Variants in GABRB2 observed in about 807,000 individuals in gnomAD.
GABRB2 encodes gamma-aminobutyric acid receptor subunit beta-2.
A neutral mutation model predicts 54.7 loss-of-function variants in GABRB2; 16 were observed. The observed-to-expected ratio is 0.29, with a 90% CI of 0.20 to 0.44. GABRB2 has a LOEUF of 0.44. Among genes scored for constraint, GABRB2 ranks in the 20% least tolerant of loss-of-function variants. The pLI is 1.00. For synonymous variants in GABRB2, 244 were observed against 233.8 expected, an observed-to-expected ratio of 1.04 and a Z score of -0.40; for missense variants, 355 against 644.0, an observed-to-expected ratio of 0.55 and a Z score of 4.86.
At chr5:161,527,546 A>G (rs1245224120) in intron 3 of GABRB2, among the ~76,000 whole-genome samples, 1 of 151,618 alleles carries the variant, frequency 6.6e-6, no homozygotes, top group East Asian at 1.9e-4. Context: ...TCACAAAGTT[A>G]TTATACAAGG....
intron 8 of GABRB2, among the ~76,000 whole-genome samples, chr5:161,326,817 C>T (rs544214107): frequency 6.6e-6 from 1 of 152,064 alleles, no homozygotes; most frequent in Non-Finnish European, 1.5e-5. Context: ...TGTGGTGCAG[C>T]TTTAGTTAGA....
chr5:161,541,365 C>T (rs1760810700), intron 3 of GABRB2, among the ~76,000 whole-genome samples: 1 of 152,186 alleles, frequency 6.6e-6, no homozygotes, highest in Admixed American at 6.5e-5. Context: ...GCATTAACAC[C>T]TAACAAAAGT....
intron 5 of GABRB2, among the ~76,000 whole-genome samples, chr5:161,355,317 T>C (rs1754585145): frequency 6.7e-6 from 1 of 148,258 alleles, no homozygotes; most frequent in Admixed American, 6.8e-5. Flanking sequence ...TAAAAATACA[T>C]TAAATATATT....
intron 3 of GABRB2, among the ~76,000 whole-genome samples, chr5:161,502,039 A>C (rs1240669788): frequency 6.7e-6 from 1 of 149,360 alleles, no homozygotes; most frequent in Non-Finnish European, 1.5e-5. Context: ...ATGGTATATA[A>C]AAATTTTATA....
chr5:161,539,629 G>A (rs1356889928), intron 3 of GABRB2, among the ~76,000 whole-genome samples: 1 of 152,108 alleles, frequency 6.6e-6, no homozygotes, highest in Non-Finnish European at 1.5e-5. Context: ...GCACACTTAA[G>A]ACAGCAGCTG....
intron 4 of GABRB2, among the ~76,000 whole-genome samples, chr5:161,446,389 G>A (rs753705696): frequency 6.6e-6 from 1 of 152,088 alleles, no homozygotes; most frequent in African/African-American, 2.4e-5. Context: ...CTGGAACACT[G>A]TACAGACATT....
intron 4 of GABRB2, among the ~76,000 whole-genome samples, chr5:161,442,314 A>G (rs1757490408): frequency 6.6e-6 from 1 of 152,224 alleles, no homozygotes; most frequent in South Asian, 2.1e-4. Flanking sequence ...GAAAAAAATA[A>G]AGAAACATGT....
intron 5 of GABRB2, among the ~76,000 whole-genome samples, chr5:161,384,363 T>C (rs1471190152): frequency 1.3e-5 from 2 of 152,162 alleles, no homozygotes; most frequent in African/African-American, 4.8e-5. Context: ...TCATCTGTTA[T>C]ATGGTGGTGT....
intron 5 of GABRB2, among the ~76,000 whole-genome samples, chr5:161,354,520 C>T (rs370035276): frequency 6.6e-6 from 1 of 151,964 alleles, no homozygotes; most frequent in African/African-American, 2.4e-5. Context: ...TCGAATTCTC[C>T]TTGTCTCCCT....
intron 4 of GABRB2, chr5:161,459,287 T>G (rs1316333049): frequency 9.9e-6 from 3 of 303,550 alleles, no homozygotes; most frequent in Non-Finnish European, 1.3e-5. Context: ...TCTCCCATAT[T>G]CAAACAATTA....
At chr5:161,405,890 T>C (rs1349072049) in intron 5 of GABRB2, among the ~76,000 whole-genome samples, 2 of 152,008 alleles carry the variant, frequency 1.3e-5, no homozygotes, top group African/African-American at 4.8e-5. Context: ...ATAAAGAAAA[T>C]ACAGCCTTTA....
chr5:161,336,986 G>C (rs1322148421), intron 5 of GABRB2, among the ~76,000 whole-genome samples: 1 of 151,968 alleles, frequency 6.6e-6, no homozygotes, highest in African/African-American at 2.4e-5. Flanking sequence ...GTATAATTAG[G>C]CCCATATTAG....
chr5:161,511,731 ACCT>A (rs1759774412), intron 3 of GABRB2, among the ~76,000 whole-genome samples: 1 of 151,630 alleles, frequency 6.6e-6, no homozygotes, highest in African/African-American at 2.4e-5. Context: ...TCTGTTCCAG[ACCT>A]CTCTCCTAGG....
chr5:161,475,277 C>T (rs544671065), intron 3 of GABRB2, among the ~76,000 whole-genome samples: 1 of 152,050 alleles, frequency 6.6e-6, no homozygotes, highest in African/African-American at 2.4e-5. Flanking sequence ...ATGTGAAAGT[C>T]TAAGTCTACA....
intron 5 of GABRB2, among the ~76,000 whole-genome samples, chr5:161,387,615 T>C (rs1026916511): frequency 1.6e-4 from 24 of 152,194 alleles, no homozygotes; most frequent in Non-Finnish European, 3.4e-4. Context: ...TAACTGCTCA[T>C]ACTTTTCTGT....
intron 9 of GABRB2, among the ~76,000 whole-genome samples, chr5:161,324,915 A>G (rs983601990): frequency 3.3e-5 from 5 of 152,084 alleles, no homozygotes; most frequent in African/African-American, 1.2e-4. Context: ...TAGTGTTCAA[A>G]TCATGGGATA....
Position 161,449,587 on chromosome 5 carries a change from C to T in GABRB2, c.458+10037G>A, listed in dbSNP as rs116269845. Among the ~76,000 whole-genome samples the T allele has an allele frequency of 5.3e-3, 814 of 152,244 alleles. 5 individuals are homozygous for T. Among genetic ancestry groups the T allele is most frequent in the Non-Finnish European group, 9.7e-3 (659 of 68,024 alleles). Reference sequence around the variant, plus strand: ...AGAGAAAACTTAATCATTAAACCAACGCTGAGAACAATCTGCATTATTTCA... The same window carrying T: ...AGAGAAAACTTAATCATTAAACCAATGCTGAGAACAATCTGCATTATTTCA... On this transcript the variant is annotated intron_variant, in intron 4 of 9. Coordinates refer to ENST00000393959, the MANE Select transcript of GABRB2 (RefSeq NM_001371727.1).
intron 5 of GABRB2, among the ~76,000 whole-genome samples, chr5:161,346,338 T>C (rs112788829): frequency 1.5e-4 from 23 of 152,200 alleles, no homozygotes; most frequent in African/African-American, 5.3e-4. Flanking sequence ...TGGAATAATG[T>C]TCCCTGGCGA....
intron 5 of GABRB2, among the ~76,000 whole-genome samples, chr5:161,371,435 T>G (rs1755130208): frequency 6.6e-6 from 1 of 152,164 alleles, no homozygotes; most frequent in African/African-American, 2.4e-5. Context: ...TAGCCTTCAG[T>G]GCATCTTTGC....
Sources: allele counts gnomAD v4.1 joint callset (sites outside exome capture counted in the v4.1 genomes callset), GRCh38; gene constraint gnomAD v4.1.1; transcripts MANE v1.5; gene names NCBI Gene and HGNC (gene_info 2026-07-23, HGNC 2026-07-21).